The following AKT3 variants were observed in gnomAD, a reference collection of about 807,000 sequenced individuals.
AKT3 encodes the protein AKT serine/threonine kinase 3, also known as RAC-gamma serine/threonine-protein kinase.
Under a neutral mutation model 65.3 loss-of-function variants are expected in AKT3, and 15 were observed. The observed-to-expected ratio is 0.23, with a 90% CI of 0.15 to 0.35. The LOEUF (loss-of-function observed/expected upper bound fraction) is 0.35. Ranked by LOEUF, AKT3 falls within the 10% of genes least tolerant of loss-of-function variation. AKT3 has a pLI of 1.00. For synonymous variants in AKT3, 206 were observed against 183.8 expected (o/e 1.12, Z -0.98); for missense variants, 243 against 576.5 (o/e 0.42, Z 5.92).
intron 3 of AKT3, among the ~76,000 whole-genome samples, chr1:243,681,169 T>C (rs532983061): frequency 6.6e-6 from 1 of 152,146 alleles, no homozygotes; most frequent in Non-Finnish European, 1.5e-5. Flanking sequence ...AGCTATAAAA[T>C]AGACTGTTTG....
chr1:243,808,510 C>A (rs1558831299), intron 2 of AKT3, among the ~76,000 whole-genome samples: 1 of 152,116 alleles, frequency 6.6e-6, no homozygotes, highest in Non-Finnish European at 1.5e-5. Context: ...AACAAAGCTT[C>A]CAAGAAATAT....
intron 2 of AKT3, among the ~76,000 whole-genome samples, chr1:243,839,135 T>G (rs1695078241): frequency 6.6e-6 from 1 of 152,214 alleles, no homozygotes; most frequent in Non-Finnish European, 1.5e-5. Flanking sequence ...TAAATTATAA[T>G]AAGCCCTTAA....
At chr1:243,564,718 G>A (rs1674029086) in intron 9 of AKT3, among the ~76,000 whole-genome samples, 1 of 152,152 alleles carries the variant, frequency 6.6e-6, no homozygotes, top group Non-Finnish European at 1.5e-5. Context: ...ACAGCCTTAT[G>A]TATTCAGGGC....
chr1:243,559,853 C>T (rs767285177), intron 10 of AKT3, among the ~76,000 whole-genome samples: 1 of 151,948 alleles, frequency 6.6e-6, no homozygotes, highest in Non-Finnish European at 1.5e-5. Context: ...AGTACTGTCA[C>T]GAAAAGCCCA....
chr1:243,535,213 T>TAAAATAATTTA (rs1357595695), intron 12 of AKT3, among the ~76,000 whole-genome samples: 1 of 150,856 alleles, frequency 6.6e-6, no homozygotes, highest in African/African-American at 2.4e-5. Flanking sequence ...AAAATTATTT[T>TAAAATAATTTA]AAAATATATT....
chr1:243,725,962 A>T (rs1219566852), intron 2 of AKT3, among the ~76,000 whole-genome samples: 9 of 152,228 alleles, frequency 5.9e-5, no homozygotes, highest in Non-Finnish European at 1.2e-4. Flanking sequence ...GTAGAAGACT[A>T]GGAAAGCTAC....
chr1:243,701,486 C>T (rs1558735547), intron 2 of AKT3, among the ~76,000 whole-genome samples: 1 of 152,056 alleles, frequency 6.6e-6, no homozygotes, highest in Non-Finnish European at 1.5e-5. Context: ...GGTAGATTCA[C>T]TGAGATGTAA....
chr1:243,549,925 A>C (rs767632793), intron 11 of AKT3, among the ~76,000 whole-genome samples: 11 of 152,166 alleles, frequency 7.2e-5, no homozygotes, highest in Admixed American at 4.6e-4. Context: ...ATAATCTAAT[A>C]TATCAGCTTC....
intron 13 of AKT3, among the ~76,000 whole-genome samples, chr1:243,493,266 CAG>C (rs1274878525): frequency 6.6e-6 from 1 of 151,740 alleles, no homozygotes; most frequent in Non-Finnish European, 1.5e-5. Context: ...TGGTGGGTCT[CAG>C]GGGAGTTTGG....
At chr1:243,840,538 G>C (rs780685077) in intron 2 of AKT3, among the ~76,000 whole-genome samples, 5 of 152,052 alleles carry the variant, frequency 3.3e-5, no homozygotes, top group South Asian at 2.1e-4. Flanking sequence ...TGCTCTCTAA[G>C]AATCTCATCA....
intron 10 of AKT3, 116 bp downstream of exon 10, chr1:243,563,604 A>T: frequency 7.7e-7 from 1 of 1,300,448 alleles, no homozygotes. Flanking sequence ...ATTTTGATTC[A>T]GGTTGAAATA....
At chr1:243,821,041 C>G (rs1693826324) in intron 2 of AKT3, among the ~76,000 whole-genome samples, 1 of 152,094 alleles carries the variant, frequency 6.6e-6, no homozygotes, top group Admixed American at 6.5e-5. Context: ...GAGAGAAAGG[C>G]CAGGTCACCT....
chr1:243,714,667 C>T (rs775562172), intron 2 of AKT3, among the ~76,000 whole-genome samples: 108 of 152,252 alleles, frequency 7.1e-4, no homozygotes, highest in Non-Finnish European at 1.3e-3. Context: ...CTGTGCCAAG[C>T]ACCTATCTGG....
At chr1:243,508,759 G>A (rs545519160) in intron 13 of AKT3, among the ~76,000 whole-genome samples, 40 of 148,894 alleles carry the variant, frequency 2.7e-4, no homozygotes, top group African/African-American at 6.0e-4. Context: ...TCTGCCTCCC[G>A]GGTTCAAGCG....
At chr1:243,574,492 A>T (rs909087910) in intron 8 of AKT3, among the ~76,000 whole-genome samples, 4 of 152,134 alleles carry the variant, frequency 2.6e-5, no homozygotes, top group Non-Finnish European at 4.4e-5. Flanking sequence ...TTTATAAAAC[A>T]CCAAGGTAAA....
intron 8 of AKT3, among the ~76,000 whole-genome samples, chr1:243,581,660 C>T (rs186775205): frequency 4.9e-4 from 74 of 152,018 alleles, no homozygotes; most frequent in Middle Eastern, 3.4e-3. Context: ...AAAAAAGCAG[C>T]GTAAGAATTC....
intron 13 of AKT3, among the ~76,000 whole-genome samples, chr1:243,493,133 C>A (rs951808921): frequency 6.6e-6 from 1 of 151,002 alleles, no homozygotes; most frequent in Non-Finnish European, 1.5e-5. Context: ...CACACCCTGG[C>A]CTGTCTTTTG....
chr1:243,812,381 T>A lies in AKT3; in HGVS notation c.46+30744A>T, dbSNP rs570649688. Reference sequence around the variant, plus strand: ...GGTGAAGGATATGAACAGACACTTCTCAAAAGAAGACATTTATGCAGCCAA... The same window carrying A: ...GGTGAAGGATATGAACAGACACTTCACAAAAGAAGACATTTATGCAGCCAA... On this transcript the variant is annotated intron_variant, in intron 2 of 13. Coordinates refer to ENST00000673466, the MANE Select transcript of AKT3 (RefSeq NM_005465.7). Among the ~76,000 whole-genome samples, 58 of 152,282 alleles carry A rather than the reference T, an allele frequency of 3.8e-4. 1 individual carries two copies. The highest frequency in any genetic ancestry group is 1.3e-3 in the African/African-American group (54 of 41,554).
At chr1:243,780,178 T>G (rs1055202835) in intron 2 of AKT3, among the ~76,000 whole-genome samples, 3 of 151,994 alleles carry the variant, frequency 2.0e-5, no homozygotes, top group Non-Finnish European at 4.4e-5. Flanking sequence ...GAAGGAAAAA[T>G]AACTTTATAA....
Sources: allele counts gnomAD v4.1 joint callset (sites outside exome capture counted in the v4.1 genomes callset), GRCh38; gene constraint gnomAD v4.1.1; transcripts MANE v1.5; gene names NCBI Gene and HGNC (gene_info 2026-07-23, HGNC 2026-07-21).